TRIP4: variants seen among roughly 807,000 people sequenced by gnomAD.
TRIP4 encodes the protein thyroid hormone receptor interactor 4.
Under a neutral mutation model 81.8 loss-of-function variants are expected in TRIP4, and 54 were observed. That is an observed-to-expected ratio of 0.66 (90% CI 0.53 to 0.83). The LOEUF (loss-of-function observed/expected upper bound fraction) is 0.83, where lower values mean the gene tolerates loss of function less well. TRIP4 is among the 40% of genes least tolerant of loss of function. TRIP4 has a pLI of 0.00. For synonymous variants in TRIP4, 270 were observed against 242.8 expected (o/e 1.11, Z -1.04); for missense variants, 662 against 683.6 (o/e 0.97, Z 0.35).
chr15:64,413,659 G>A (rs915371126), intron 7 of TRIP4, among the ~76,000 whole-genome samples: 6 of 151,834 alleles, frequency 4.0e-5, no homozygotes, highest in Admixed American at 1.3e-4. Flanking sequence ...GCACGATCTC[G>A]GCTCATTGCA....
At chr15:64,437,716 A>G (rs1347470384) in intron 11 of TRIP4, among the ~76,000 whole-genome samples, 3 of 152,134 alleles carry the variant, frequency 2.0e-5, no homozygotes, top group Admixed American at 2.0e-4. Flanking sequence ...CTGGTCTGGA[A>G]CTACTGTCCT....
Position 64,387,849 on chromosome 15 carries a change from T to C in TRIP4, c.-15T>C, listed in dbSNP as rs1899989184. The C allele has an allele frequency of 6.5e-7, 1 of 1,541,934 alleles. No individual in the cohort carries two copies. Among genetic ancestry groups the C allele is most frequent in the African/African-American group, 1.4e-5 (1 of 73,114 alleles). ...CGTGGGGCTTTTGCAGCTCAGCTGG[T>C]TCCGGCTGGGGAAGATGGCGGTGGC... On this transcript the variant is annotated 5_prime_UTR_variant, in exon 1 of 13. Transcript: ENST00000261884.
chr15:64,446,742 GT>G (rs1382950525), intron 12 of TRIP4, among the ~76,000 whole-genome samples: 1 of 151,858 alleles, frequency 6.6e-6, no homozygotes, highest in African/African-American at 2.4e-5. Flanking sequence ...TTGAGACAGG[GT>G]CTAGCTGGGA....
intron 12 of TRIP4, among the ~76,000 whole-genome samples, chr15:64,452,212 G>A (rs1892782602): frequency 6.6e-6 from 1 of 151,786 alleles, no homozygotes; most frequent in Non-Finnish European, 1.5e-5. Context: ...GAACTTCTGG[G>A]CTCAAGCGAT....
chr15:64,421,314 GCTAC>G (rs1186203891), intron 9 of TRIP4, among the ~76,000 whole-genome samples: 2 of 150,024 alleles, frequency 1.3e-5, no homozygotes, highest in African/African-American at 4.9e-5. Flanking sequence ...ATATTTTTAC[GCTAC>G]CTTTTATTTT....
chr15:64,446,604 A>G (rs1892637328), intron 12 of TRIP4, among the ~76,000 whole-genome samples: 1 of 150,866 alleles, frequency 6.6e-6, no homozygotes, highest in African/African-American at 2.4e-5. Context: ...GGGTTTCACC[A>G]TATTGGCCAG....
Position 64,431,847 on chromosome 15 carries a change from A to ATATATATTTT in TRIP4, c.1575+6217_1575+6218insATATATTTTT. Among the ~76,000 whole-genome samples the ATATATATTTT allele has an allele frequency of 1.2e-4, 14 of 119,554 alleles. 1 individual carries two copies. The highest frequency in any genetic ancestry group is 2.5e-4 in the South Asian group (1 of 4,010). The allele number at this position is 119,554 out of a possible 152,430, so 78.4% of individuals were successfully genotyped here. A position where few individuals can be genotyped will look rare whatever the true frequency, so the allele number is the denominator to read the frequency against. On this transcript the variant is annotated intron_variant, in intron 11 of 12. Coordinates refer to ENST00000261884, the MANE Select transcript of TRIP4 (RefSeq NM_016213.5). Reference sequence around the variant, plus strand: ...CCATTTATATTATATATATATATATATTTTTTTTATCCAAAGAGCATTGTG... The same window carrying ATATATATTTT: ...CCATTTATATTATATATATATATATATATATATTTTTTTTTTTTATCCAAAGAGCATTGTG...
At chr15:64,434,634 G>A (rs1892349832) in intron 11 of TRIP4, among the ~76,000 whole-genome samples, 1 of 152,176 alleles carries the variant, frequency 6.6e-6, no homozygotes, top group Non-Finnish European at 1.5e-5. Flanking sequence ...CCAGTGAGAA[G>A]ACAGTTGTAG....
chr15:64,455,253 G>C lies in TRIP4; in HGVS notation c.*189G>C, dbSNP rs1892859720. On this transcript the variant is annotated 3_prime_UTR_variant, in exon 13 of 13. Transcript: ENST00000261884. Reference sequence around the variant, plus strand: ...GTGGGATTCCTACTTTATGTAATGGGGTCGAAATCTTTGAACACATTATTT... The same window carrying C: ...GTGGGATTCCTACTTTATGTAATGGCGTCGAAATCTTTGAACACATTATTT... 2.2e-6 allele frequency: 1 copy of C among 454,754 alleles called. No individual in the cohort carries two copies. The highest frequency in any genetic ancestry group is 4.0e-5 in the Admixed American group (1 of 25,196). 28.2% of individuals were successfully genotyped at this position (454,754 alleles called of 1,614,324 possible).
At chr15:64,410,081 A>G (rs1891728524) in intron 7 of TRIP4, among the ~76,000 whole-genome samples, 1 of 139,896 alleles carries the variant, frequency 7.1e-6, no homozygotes, top group Admixed American at 7.7e-5. Context: ...GCTGGAGTGC[A>G]GTGGCCTGAT....
At chr15:64,435,663 T>C (rs2140307607) in intron 11 of TRIP4, among the ~76,000 whole-genome samples, 1 of 149,812 alleles carries the variant, frequency 6.7e-6, no homozygotes, top group African/African-American at 2.5e-5. Context: ...CATTATTCCA[T>C]CCCCTCTAGA....
At chr15:64,445,242 C>A (rs1269221930) in intron 12 of TRIP4, 134 bp downstream of exon 12, 5 of 490,648 alleles carry the variant, frequency 1.0e-5, no homozygotes, top group Non-Finnish European at 1.8e-5. Flanking sequence ...TTTGGATCAG[C>A]CTGTAAGTCA....
chr15:64,388,433 A>G (rs1900017569), intron 1 of TRIP4, among the ~76,000 whole-genome samples: 1 of 152,154 alleles, frequency 6.6e-6, no homozygotes, highest in Non-Finnish European at 1.5e-5. Context: ...GAGCCTCCCA[A>G]GTAGCTGGGA....
intron 9 of TRIP4, among the ~76,000 whole-genome samples, chr15:64,419,930 C>T (rs910452919): frequency 6.6e-6 from 1 of 151,910 alleles, no homozygotes; most frequent in African/African-American, 2.4e-5. Context: ...ATTCTACAGC[C>T]TCAGCCTCCC....
rs760256538 is a variant in TRIP4, at chr15:64,400,728, C to T, written c.619-15C>T. On this transcript the variant is annotated splice_polypyrimidine_tract_variant and intron_variant, in intron 4 of 12. Transcript: ENST00000261884. The stretch of plus-strand genomic sequence containing the variant: ...TAACTGTTGGATCACATGTCTTACT[C>T]TTACTATTTTACAGGTGTGTACTCA... The T allele has an allele frequency of 8.1e-6, 13 of 1,607,904 alleles. No individual in the cohort carries two copies. The highest frequency in any genetic ancestry group is 4.4e-5 in the South Asian group (4 of 90,894).
At chr15:64,416,226 A>G (rs73454578) in intron 8 of TRIP4, among the ~76,000 whole-genome samples, 6,623 of 152,136 alleles carry the variant, frequency 0.044, 475 homozygotes, top group African/African-American at 0.15. Context: ...GTGAGACCCC[A>G]TCTCTAAAAA....
At position 64,400,727 on chromosome 15, in the gene TRIP4, T is replaced by C. The variant is rs929979393; in HGVS notation, c.619-16T>C. On this transcript the variant is annotated splice_polypyrimidine_tract_variant and intron_variant, in intron 4 of 12. Transcript: ENST00000261884. ...TTAACTGTTGGATCACATGTCTTAC[T>C]CTTACTATTTTACAGGTGTGTACTC... is the stretch of plus-strand genomic sequence containing the variant. The C allele has an allele frequency of 1.2e-6, 2 of 1,606,896 alleles. No homozygotes were observed. Among genetic ancestry groups the C allele is most frequent in the Non-Finnish European group, 1.7e-6 (2 of 1,173,718 alleles).
intron 9 of TRIP4, among the ~76,000 whole-genome samples, chr15:64,419,428 G>C (rs1002416602): frequency 1.3e-5 from 2 of 151,566 alleles, no homozygotes; most frequent in Non-Finnish European, 2.9e-5. Flanking sequence ...GCGTGGTCTC[G>C]GCTCACTGCA....
At chr15:64,409,864 G>C in intron 7 of TRIP4, 36 bp downstream of exon 7, 1 of 1,580,526 alleles carries the variant, frequency 6.3e-7, no homozygotes. Context: ...CTCAAAGAAG[G>C]AACAGGTTGA....
Sources: gnomAD v4.1 joint callset for allele counts (sites outside exome capture counted in the v4.1 genomes callset) on GRCh38, gnomAD v4.1.1 for gene constraint, MANE v1.5 for transcripts, NCBI Gene and HGNC (gene_info 2026-07-23, HGNC 2026-07-21) for gene names.